EPHA6: variants seen among roughly 807,000 people sequenced by gnomAD.
The protein encoded by EPHA6 is EPH receptor A6, also known as ephrin type-A receptor 6.
A neutral mutation model predicts 112.0 loss-of-function variants in EPHA6; 50 were observed. That is an observed-to-expected ratio of 0.45 (90% confidence interval 0.36 to 0.56). EPHA6 has a LOEUF of 0.56. Ranked by LOEUF, EPHA6 falls within the 20% of genes least tolerant of loss-of-function variation. The pLI is 0.00. For missense variants in EPHA6, 1,280 were observed against 1,417.4 expected, an observed-to-expected ratio of 0.90 and a Z score of 1.56; for synonymous variants, 529 against 490.7, an observed-to-expected ratio of 1.08 and a Z score of -1.03.
At chr3:97,090,079 T>A (rs1301533727) in intron 3 of EPHA6, among the ~76,000 whole-genome samples, 3 of 152,090 alleles carry the variant, frequency 2.0e-5, no homozygotes, top group Non-Finnish European at 4.4e-5. Flanking sequence ...TATGTTCTAA[T>A]AGAGACATAT....
chr3:96,901,814 C>A (rs1365026786), intron 2 of EPHA6, among the ~76,000 whole-genome samples: 1 of 152,136 alleles, frequency 6.6e-6, no homozygotes, highest in African/African-American at 2.4e-5. Context: ...TCAAACAAGT[C>A]ACAGAAATGA....
At chr3:96,913,212 A>ACC (rs111333347) in intron 2 of EPHA6, among the ~76,000 whole-genome samples, 1 of 109,924 alleles carries the variant, frequency 9.1e-6, no homozygotes, top group African/African-American at 3.6e-5. Flanking sequence ...ACACACACAC[A>ACC]CCACACACAC....
chr3:96,893,309 T>C (rs1380751998), intron 2 of EPHA6, among the ~76,000 whole-genome samples: 4 of 152,226 alleles, frequency 2.6e-5, no homozygotes, highest in African/African-American at 4.8e-5. Flanking sequence ...AAAAGTTTAC[T>C]GTAAAACAGT....
chr3:96,943,111 C>T (rs1160387856), intron 2 of EPHA6, among the ~76,000 whole-genome samples: 3 of 152,134 alleles, frequency 2.0e-5, no homozygotes, highest in Admixed American at 1.3e-4. Flanking sequence ...CTTTCTGTTC[C>T]TCACTTATTT....
intron 5 of EPHA6, among the ~76,000 whole-genome samples, chr3:97,366,441 C>T (rs753822455): frequency 7.3e-4 from 111 of 152,084 alleles, no homozygotes; most frequent in Non-Finnish European, 1.3e-3. Context: ...GTTGTAAAAC[C>T]GTCTTTTAAA....
Position 97,532,450 on chromosome 3 carries a change from G to T in EPHA6, c.2293G>T (p.Asp765Tyr). 1 of 1,612,628 alleles carries T rather than the reference G, an allele frequency of 6.2e-7. No individual in the cohort carries two copies. The highest frequency in any genetic ancestry group is 8.5e-7 in the Non-Finnish European group (1 of 1,178,970). ...AIKTLKGGHM[D>Y]RQRRDFLREA... ...TAAAACTTTGAAAGGTGGCCACATGGATCGGCAAAGAAGAGATTTTCTAAG... is the reference window on the plus strand; with the variant it reads ...TAAAACTTTGAAAGGTGGCCACATGTATCGGCAAAGAAGAGATTTTCTAAG... Residue 765 changes from aspartate to tyrosine, a missense_variant, in exon 11 of 18, where the codon GAT (aspartate) becomes TAT (tyrosine). Coordinates refer to ENST00000389672, the MANE Select transcript of EPHA6 (RefSeq NM_001080448.3).
At chr3:97,599,862 T>C (rs1350037598) in intron 12 of EPHA6, among the ~76,000 whole-genome samples, 1 of 152,206 alleles carries the variant, frequency 6.6e-6, no homozygotes, top group Non-Finnish European at 1.5e-5. Context: ...TTGAGCAGTA[T>C]GGCCATGTTC....
At chr3:97,094,456 A>G (rs938296337) in intron 3 of EPHA6, among the ~76,000 whole-genome samples, 2 of 152,160 alleles carry the variant, frequency 1.3e-5, no homozygotes, top group Non-Finnish European at 2.9e-5. Flanking sequence ...AAATGGAAGA[A>G]CAAGCAAGCA....
At chr3:97,035,263 C>G (rs1275406412) in intron 3 of EPHA6, among the ~76,000 whole-genome samples, 1 of 151,896 alleles carries the variant, frequency 6.6e-6, no homozygotes, top group Non-Finnish European at 1.5e-5. Flanking sequence ...TCCCTTTTCC[C>G]CTGTCTTCTT....
chr3:97,316,433 AC>A lies in EPHA6; in HGVS notation c.1606+72147del, dbSNP rs527777289. On this transcript the variant is annotated intron_variant, in intron 5 of 17. Transcript: ENST00000389672. Reference sequence around the variant, plus strand: ...AAGAAGATGAAATAAATAGTGTTCCACATGCAAGGAGAAACCTCACAGAGAA... The same window carrying A: ...AAGAAGATGAAATAAATAGTGTTCCAATGCAAGGAGAAACCTCACAGAGAA... Among the ~76,000 whole-genome samples, 31 of 152,042 alleles carry A rather than the reference AC, an allele frequency of 2.0e-4. No homozygotes were observed. The South Asian group carries it at 3.5e-3, about 17-fold the overall frequency.
intron 13 of EPHA6, among the ~76,000 whole-genome samples, chr3:97,617,877 T>A (rs1262499488): frequency 6.6e-6 from 1 of 151,994 alleles, no homozygotes; most frequent in South Asian, 2.1e-4. Flanking sequence ...ATCATCAAGA[T>A]AGAAAATTCA....
chr3:97,177,355 C>A lies in EPHA6; in HGVS notation c.1115-48909C>A, dbSNP rs182231768. 3.5e-3 allele frequency among the ~76,000 whole-genome samples: 539 copies of A among 151,910 alleles called. 4 individuals are homozygous for A. Among genetic ancestry groups the A allele is most frequent in the African/African-American group, 0.013 (528 of 41,512 alleles). On this transcript the variant is annotated intron_variant, in intron 3 of 17. Transcript: ENST00000389672. ...GGAAAAGAATCTGTATTCTGAAGCT[C>A]TTGGATGACATGTTCTGTAAATATC... is the stretch of plus-strand genomic sequence containing the variant.
chr3:97,131,846 G>A (rs544441612), intron 3 of EPHA6, among the ~76,000 whole-genome samples: 14 of 152,254 alleles, frequency 9.2e-5, no homozygotes, highest in African/African-American at 3.1e-4. Context: ...TATACAGGTT[G>A]TATGTTAGCA....
intron 6 of EPHA6, among the ~76,000 whole-genome samples, chr3:97,420,699 C>T (rs1255497153): frequency 6.6e-6 from 1 of 151,874 alleles, no homozygotes; most frequent in African/African-American, 2.4e-5. Flanking sequence ...AAGTGTGTTC[C>T]ATAAGGCCAG....
intron 14 of EPHA6, among the ~76,000 whole-genome samples, chr3:97,715,906 T>G (rs2034196320): frequency 6.6e-6 from 1 of 152,190 alleles, no homozygotes; most frequent in Non-Finnish European, 1.5e-5. Flanking sequence ...TTAGTACCCC[T>G]CCAGTTTACT....
At chr3:97,077,665 T>C (rs2108184581) in intron 3 of EPHA6, among the ~76,000 whole-genome samples, 1 of 152,170 alleles carries the variant, frequency 6.6e-6, no homozygotes, top group African/African-American at 2.4e-5. Flanking sequence ...GTCCTTGTGA[T>C]AGTTTGCTGA....
chr3:97,535,134 T>A (rs375195057), intron 11 of EPHA6, among the ~76,000 whole-genome samples: 37 of 152,088 alleles, frequency 2.4e-4, no homozygotes, highest in African/African-American at 8.7e-4. Flanking sequence ...CAACTAAATA[T>A]GTTTAATAAG....
intron 14 of EPHA6, among the ~76,000 whole-genome samples, chr3:97,679,814 G>C (rs190072612): frequency 1.3e-5 from 2 of 152,248 alleles, no homozygotes; most frequent in Admixed American, 6.5e-5. Context: ...TACACTCTTG[G>C]TGATTCACAA....
intron 3 of EPHA6, among the ~76,000 whole-genome samples, chr3:97,108,267 C>G (rs116177237): frequency 7.3e-4 from 111 of 152,124 alleles, no homozygotes; most frequent in Non-Finnish European, 1.5e-3. Context: ...TGGTTATTAT[C>G]AATAGTTAAA....
Sources: gnomAD v4.1 joint callset for allele counts (sites outside exome capture counted in the v4.1 genomes callset) on GRCh38, gnomAD v4.1.1 for gene constraint, MANE v1.5 for transcripts, NCBI Gene and HGNC (gene_info 2026-07-23, HGNC 2026-07-21) for gene names.